Variants in FBXL20 observed in about 807,000 individuals in gnomAD.
FBXL20 encodes the protein F-box/LRR-repeat protein 20.
In FBXL20, 11 loss-of-function variants were observed where a neutral mutation model predicts 64.0. That is an observed-to-expected ratio of 0.17 (90% CI 0.11 to 0.28). The LOEUF (loss-of-function observed/expected upper bound fraction) is 0.28, where lower values mean the gene tolerates loss of function less well. Among genes scored for constraint, FBXL20 ranks in the 10% least tolerant of loss-of-function variants. FBXL20 has a pLI of 1.00. For synonymous variants in FBXL20, 184 were observed against 189.0 expected (o/e 0.97, Z 0.22); for missense variants, 303 against 526.2 (o/e 0.58, Z 4.15).
intron 1 of FBXL20, among the ~76,000 whole-genome samples, chr17:39,354,161 G>T (rs2047714377): frequency 6.6e-6 from 1 of 152,194 alleles, no homozygotes; most frequent in Non-Finnish European, 1.5e-5. Context: ...AAAAGCATCT[G>T]TGTATAAAAT....
At chr17:39,363,542 G>A (rs1381439329) in intron 1 of FBXL20, among the ~76,000 whole-genome samples, 6 of 151,860 alleles carry the variant, frequency 4.0e-5, no homozygotes, top group African/African-American at 1.2e-4. Flanking sequence ...GCCAAACAAG[G>A]TGGCTTACAC....
chr17:39,344,640 G>A (rs1005654264), intron 1 of FBXL20, among the ~76,000 whole-genome samples: 1 of 147,112 alleles, frequency 6.8e-6, no homozygotes, highest in South Asian at 2.2e-4. Flanking sequence ...ACAAAAAAAA[G>A]TACGCAGGTG....
intron 1 of FBXL20, among the ~76,000 whole-genome samples, chr17:39,399,506 G>A (rs1323173609): frequency 6.6e-6 from 1 of 152,092 alleles, no homozygotes; most frequent in African/African-American, 2.4e-5. Context: ...ATCATTTCTA[G>A]CCATTCTCAT....
At chr17:39,318,643 G>A (rs916710422) in intron 2 of FBXL20, among the ~76,000 whole-genome samples, 1 of 152,106 alleles carries the variant, frequency 6.6e-6, no homozygotes, top group African/African-American at 2.4e-5. Context: ...AGGAGGTTGA[G>A]GCAAGAGAAT....
intron 1 of FBXL20, among the ~76,000 whole-genome samples, chr17:39,352,980 A>G (rs2144594555): frequency 6.6e-6 from 1 of 152,278 alleles, no homozygotes; most frequent in African/African-American, 2.4e-5. Flanking sequence ...GAGAGAGGTT[A>G]TGTCCTTTTT....
intron 1 of FBXL20, among the ~76,000 whole-genome samples, chr17:39,355,430 T>C (rs2047726502): frequency 6.6e-6 from 1 of 152,236 alleles, no homozygotes; most frequent in African/African-American, 2.4e-5. Flanking sequence ...TTATTTGATT[T>C]GCAAATACTT....
At chr17:39,381,215 C>G (rs1437579497) in intron 1 of FBXL20, among the ~76,000 whole-genome samples, 4 of 151,598 alleles carry the variant, frequency 2.6e-5, no homozygotes, top group Non-Finnish European at 5.9e-5. Context: ...CACAGTGGCT[C>G]ATGCAATTCC....
At chr17:39,397,347 A>G (rs956181444) in intron 1 of FBXL20, among the ~76,000 whole-genome samples, 3 of 152,238 alleles carry the variant, frequency 2.0e-5, no homozygotes, top group Admixed American at 2.0e-4. Context: ...TGGATTCAAA[A>G]TACCGAAATT....
At chr17:39,402,053 C>T (rs2048253546), upstream of FBXL20, 2 of 909,704 alleles carry the variant, frequency 2.2e-6, no homozygotes, top group South Asian at 1.1e-4. Flanking sequence ...AGGCACGCAC[C>T]TGCCTGCACA....
At chr17:39,381,168 A>T (rs1027215646) in intron 1 of FBXL20, among the ~76,000 whole-genome samples, 3 of 151,644 alleles carry the variant, frequency 2.0e-5, no homozygotes, top group Non-Finnish European at 4.4e-5. Flanking sequence ...CTCAAAAAAA[A>T]AAAAAGTTGT....
At chr17:39,282,641 C>A in intron 8 of FBXL20, 88 bp downstream of exon 8, 13 of 1,560,414 alleles carry the variant, frequency 8.3e-6, no homozygotes, top group Non-Finnish European at 1.1e-5. Flanking sequence ...ACCTTTCCCT[C>A]CAGACAAACA....
intron 2 of FBXL20, among the ~76,000 whole-genome samples, chr17:39,329,007 C>T (rs932722983): frequency 6.6e-6 from 1 of 152,092 alleles, no homozygotes; most frequent in Admixed American, 6.6e-5. Flanking sequence ...TGTGCTTTCA[C>T]TGGCAACTGC....
At chr17:39,331,291 G>T (rs2047458138) in intron 2 of FBXL20, among the ~76,000 whole-genome samples, 1 of 152,084 alleles carries the variant, frequency 6.6e-6, no homozygotes, top group African/African-American at 2.4e-5. Flanking sequence ...AGTAGAGATG[G>T]GGTTTTACCA....
chr17:39,389,104 C>CAGAAAAA (rs1555615572), intron 1 of FBXL20, among the ~76,000 whole-genome samples: 3 of 52,696 alleles, frequency 5.7e-5, no homozygotes, highest in Admixed American at 2.3e-4. Context: ...AACTCCATCT[C>CAGAAAAA]AAAAAAAAAA....
At chr17:39,367,753 G>T (rs2047875034) in intron 1 of FBXL20, among the ~76,000 whole-genome samples, 1 of 151,518 alleles carries the variant, frequency 6.6e-6, no homozygotes, top group African/African-American at 2.4e-5. Flanking sequence ...TTTATTGAAA[G>T]ATTATTTATA....
chr17:39,292,880 C>T (rs1185539567), intron 6 of FBXL20, among the ~76,000 whole-genome samples: 1 of 151,118 alleles, frequency 6.6e-6, no homozygotes, highest in Admixed American at 6.6e-5. Flanking sequence ...GCAACCTCCG[C>T]CTCCCAGGTT....
chr17:39,343,351 C>G (rs9903363), intron 1 of FBXL20, 110 bp from the exon 2 acceptor site: 184,854 of 681,962 alleles, frequency 0.27, 30,915 homozygotes, highest in African/African-American at 0.66. Context: ...AAAATATAGT[C>G]GGCATCATAA....
chr17:39,286,792 C>CT (rs2046992120), intron 6 of FBXL20, among the ~76,000 whole-genome samples: 1 of 151,664 alleles, frequency 6.6e-6, no homozygotes, highest in Non-Finnish European at 1.5e-5. Flanking sequence ...GAGTGAAACT[C>CT]TGTCTCAAAA....
intron 1 of FBXL20, among the ~76,000 whole-genome samples, chr17:39,371,736 C>A (rs1230328755): frequency 1.3e-5 from 2 of 151,588 alleles, no homozygotes; most frequent in Non-Finnish European, 2.9e-5. Context: ...TCTCGGCTCA[C>A]CACAACCTCC....
Sources: allele counts gnomAD v4.1 joint callset (sites outside exome capture counted in the v4.1 genomes callset), GRCh38; gene constraint gnomAD v4.1.1; transcripts MANE v1.5; gene names NCBI Gene and HGNC (gene_info 2026-07-23, HGNC 2026-07-21).